Variants in EYS observed in about 807,000 individuals in gnomAD.
EYS encodes the protein protein eyes shut homolog.
Under a neutral mutation model 282.1 loss-of-function variants are expected in EYS, and 250 were observed. The observed-to-expected ratio is 0.89, with a 90% CI of 0.80 to 0.98. EYS has a LOEUF of 0.98. Among genes scored for constraint, EYS ranks in the 50% least tolerant of loss-of-function variants. The pLI, the probability that EYS is intolerant of heterozygous loss-of-function variation, is 0.00. For missense variants in EYS, 4,016 were observed against 3,709.0 expected, an observed-to-expected ratio of 1.08 and a Z score of -2.15; for synonymous variants, 1,355 against 1,282.9, an observed-to-expected ratio of 1.06 and a Z score of -1.20.
At chr6:64,160,410 C>T (rs1760707200) in intron 31 of EYS, among the ~76,000 whole-genome samples, 9 of 152,140 alleles carry the variant, frequency 5.9e-5, no homozygotes, top group Admixed American at 5.9e-4. Context: ...TCCTATTGAA[C>T]ACCAGATTGG....
At chr6:64,397,402 T>C (rs984563780) in intron 28 of EYS, among the ~76,000 whole-genome samples, 1 of 152,076 alleles carries the variant, frequency 6.6e-6, no homozygotes. Context: ...TAGAATTCAC[T>C]AGTATAGCCT....
chr6:64,603,096 A>C (rs1766813257), intron 24 of EYS, among the ~76,000 whole-genome samples: 1 of 152,074 alleles, frequency 6.6e-6, no homozygotes, highest in Non-Finnish European at 1.5e-5. Context: ...TCCACAAGAT[A>C]GTGCCTCCAG....
intron 33 of EYS, among the ~76,000 whole-genome samples, chr6:64,040,868 A>G (rs1055017751): frequency 3.9e-5 from 6 of 152,204 alleles, no homozygotes; most frequent in African/African-American, 1.2e-4. Flanking sequence ...ACAATTGCCT[A>G]TGAAAAATAA....
At chr6:65,489,361 A>C (rs1029662244) in intron 5 of EYS, 7 of 152,240 alleles carry the variant, frequency 4.6e-5, no homozygotes, top group African/African-American at 1.7e-4. Context: ...TGCAGCCAAC[A>C]GATATGTGAA....
chr6:64,486,927 A>T (rs1776593558), intron 26 of EYS, among the ~76,000 whole-genome samples: 1 of 151,366 alleles, frequency 6.6e-6, no homozygotes, highest in Non-Finnish European at 1.5e-5. Context: ...TATTTTTTAC[A>T]GTTAATACAC....
intron 26 of EYS, among the ~76,000 whole-genome samples, chr6:64,509,295 A>T (rs1777310409): frequency 6.6e-6 from 1 of 152,116 alleles, no homozygotes; most frequent in Non-Finnish European, 1.5e-5. Flanking sequence ...TCTTGGCAGT[A>T]ATTGCTTCTT....
chr6:64,553,453 TTGTAG>T (rs1765148002), intron 26 of EYS, among the ~76,000 whole-genome samples: 1 of 151,706 alleles, frequency 6.6e-6, no homozygotes, highest in Non-Finnish European at 1.5e-5. Context: ...CTCCACAGGC[TTGTAG>T]CACATTTATA....
At chr6:64,569,040 A>C (rs1765641283) in intron 26 of EYS, among the ~76,000 whole-genome samples, 1 of 151,336 alleles carries the variant, frequency 6.6e-6, no homozygotes, top group Non-Finnish European at 1.5e-5. Flanking sequence ...AAAAAAAAAA[A>C]AAAACAGCAA....
chr6:64,168,059 G>C (rs541450495), intron 31 of EYS, among the ~76,000 whole-genome samples: 2 of 152,122 alleles, frequency 1.3e-5, no homozygotes, highest in Non-Finnish European at 2.9e-5. Context: ...TGAGGAGATC[G>C]AGACCATCCT....
intron 36 of EYS, among the ~76,000 whole-genome samples, chr6:63,838,169 G>A (rs1771856083): frequency 6.6e-6 from 1 of 151,306 alleles, no homozygotes; most frequent in African/African-American, 2.4e-5. Context: ...CAAAATATCT[G>A]TCATAAATGA....
chr6:64,877,771 T>C (rs1309967617), intron 19 of EYS, among the ~76,000 whole-genome samples: 1 of 152,144 alleles, frequency 6.6e-6, no homozygotes, highest in Non-Finnish European at 1.5e-5. Flanking sequence ...TCAAAATTCT[T>C]TTTTTTAAAC....
At chr6:65,005,888 C>G (rs1241272221) in intron 13 of EYS, among the ~76,000 whole-genome samples, 2 of 152,216 alleles carry the variant, frequency 1.3e-5, no homozygotes, top group Non-Finnish European at 2.9e-5. Flanking sequence ...CCCACACCTC[C>G]TGGGTCCCGA....
At chr6:64,239,471 T>A (rs970892926) in intron 30 of EYS, among the ~76,000 whole-genome samples, 6 of 152,224 alleles carry the variant, frequency 3.9e-5, no homozygotes, top group Admixed American at 6.5e-5. Context: ...TGGTATCTCA[T>A]TGTGGTTTGA....
At chr6:64,632,137 T>C (rs1767804264) in intron 22 of EYS, among the ~76,000 whole-genome samples, 1 of 152,056 alleles carries the variant, frequency 6.6e-6, no homozygotes, top group South Asian at 2.1e-4. Context: ...TGAGTGTTTA[T>C]TTATAAACTT....
At chr6:64,690,125 T>G (rs1233598138) in intron 22 of EYS, among the ~76,000 whole-genome samples, 1 of 151,200 alleles carries the variant, frequency 6.6e-6, no homozygotes, top group East Asian at 1.9e-4. Context: ...TCAAACAAAT[T>G]TACAAGAAAA....
chr6:64,148,991 A>G (rs1167909863), intron 31 of EYS, among the ~76,000 whole-genome samples: 4 of 152,210 alleles, frequency 2.6e-5, no homozygotes, highest in Non-Finnish European at 5.9e-5. Context: ...CATAAATGAC[A>G]ACTCTAATTA....
At chr6:64,543,384 A>T (rs181482312) in intron 26 of EYS, among the ~76,000 whole-genome samples, 1 of 152,242 alleles carries the variant, frequency 6.6e-6, no homozygotes, top group Non-Finnish European at 1.5e-5. Flanking sequence ...CCTATATTGT[A>T]GTTAAAGAAA....
intron 12 of EYS, among the ~76,000 whole-genome samples, chr6:65,207,927 A>G (rs1766076974): frequency 6.6e-6 from 1 of 151,784 alleles, no homozygotes; most frequent in South Asian, 2.1e-4. Context: ...GTCCTAGAAG[A>G]AAACCTAGGA....
intron 31 of EYS, among the ~76,000 whole-genome samples, chr6:64,123,795 T>C (rs1773673089): frequency 6.6e-6 from 1 of 152,190 alleles, no homozygotes; most frequent in Non-Finnish European, 1.5e-5. Flanking sequence ...ACAATTACAT[T>C]ACAGAGTTAT....
Sources: allele counts gnomAD v4.1 joint callset (sites outside exome capture counted in the v4.1 genomes callset), GRCh38; gene constraint gnomAD v4.1.1; transcripts MANE v1.5; gene names NCBI Gene and HGNC (gene_info 2026-07-23, HGNC 2026-07-21).